FBXL2: variants seen among roughly 807,000 people sequenced by gnomAD.
The protein encoded by FBXL2 is F-box and leucine rich repeat protein 2.
FBXL2 carries 38 observed loss-of-function variants against 69.2 expected under a neutral mutation model. The ratio of observed to expected loss-of-function variants is 0.55; its 90% CI spans 0.42 to 0.72. The LOEUF (loss-of-function observed/expected upper bound fraction) is 0.72. Ranked by LOEUF, FBXL2 falls within the 30% of genes least tolerant of loss-of-function variation. FBXL2 has a pLI of 0.00. For missense variants in FBXL2, 354 were observed against 520.3 expected (o/e 0.68, Z 3.11); for synonymous variants, 192 against 201.3 (o/e 0.95, Z 0.39).
chr3:33,379,039 A>T (rs2042834844), intron 13 of FBXL2, among the ~76,000 whole-genome samples: 2 of 150,190 alleles, frequency 1.3e-5, no homozygotes, highest in African/African-American at 4.9e-5. Flanking sequence ...ACAGGGTCTC[A>T]CTCTATCGCC....
At chr3:33,410,791 G>A in the FBXL2 span, among the ~76,000 whole-genome samples, 1 of 151,996 alleles carries the variant, frequency 6.6e-6, no homozygotes, top group Non-Finnish European at 1.5e-5. Context: ...ACTCTAACAG[G>A]CTGGGCACAG....
At chr3:33,403,543 T>A (rs2044317436) in exon 13 of FBXL2, 2 of 97,434 alleles carry the variant, frequency 2.1e-5, no homozygotes, top group African/African-American at 6.6e-5. Context: ...CTATCTAATC[T>A]ATCTGTCTGT....
chr3:33,353,530 C>T (rs746900805), intron 2 of FBXL2, among the ~76,000 whole-genome samples: 7 of 152,122 alleles, frequency 4.6e-5, no homozygotes, highest in South Asian at 2.1e-4. Context: ...CCAGTCTGAA[C>T]GGTTACGTAG....
chr3:33,277,689 C>G (rs893722990), intron 1 of FBXL2, among the ~76,000 whole-genome samples, 174 bp downstream of exon 1: 1 of 151,956 alleles, frequency 6.6e-6, no homozygotes, highest in African/African-American at 2.4e-5. Flanking sequence ...GGAGGGGTAA[C>G]CTGGGGGATT....
intron 12 of FBXL2, chr3:33,401,154 A>C (rs369245642): frequency 2.6e-5 from 18 of 695,174 alleles, no homozygotes; most frequent in African/African-American, 9.4e-5. Flanking sequence ...GAAAGTCTGC[A>C]ACAAAATGCA....
intron 4 of FBXL2, 134 bp downstream of exon 4, chr3:33,359,491 G>A: frequency 1.9e-6 from 1 of 519,812 alleles, no homozygotes; most frequent in Non-Finnish European, 3.3e-6. Flanking sequence ...AGAAAAACTG[G>A]AAGGGATTTG....
rs532349647 is a variant in FBXL2 at position 33,374,855 on chromosome 3, T to C, written c.658-433T>C. Among the ~76,000 whole-genome samples, 154 of 152,314 alleles carry C rather than the reference T, an allele frequency of 1.0e-3. 1 individual carries two copies. The highest frequency in any genetic ancestry group is 1.8e-3 in the Non-Finnish European group (122 of 68,026). On this transcript the variant is annotated intron_variant, in intron 9 of 14. Transcript: ENST00000484457. ...GATGAAATATAAATATATGTGTATATTGTAAATATCTAAAGCATTAATCTG... is the reference window on the plus strand; with the variant it reads ...GATGAAATATAAATATATGTGTATACTGTAAATATCTAAAGCATTAATCTG...
intron 2 of FBXL2, among the ~76,000 whole-genome samples, chr3:33,337,221 A>G (rs1271679137): frequency 6.6e-6 from 1 of 152,150 alleles, no homozygotes; most frequent in African/African-American, 2.4e-5. Context: ...AAACAAACAA[A>G]CAAAAAAACC....
chr3:33,343,794 A>G (rs1389443702), intron 2 of FBXL2, among the ~76,000 whole-genome samples: 1 of 152,120 alleles, frequency 6.6e-6, no homozygotes, highest in Non-Finnish European at 1.5e-5. Context: ...TTATAACTTT[A>G]AAATATTTAA....
intron 2 of FBXL2, among the ~76,000 whole-genome samples, chr3:33,326,014 T>C (rs531379575): frequency 1.3e-5 from 2 of 152,346 alleles, no homozygotes; most frequent in African/African-American, 4.8e-5. Context: ...CATTTTTCTC[T>C]CTTTAAATAT....
At chr3:33,306,528 T>C (rs1006573504) in intron 2 of FBXL2, among the ~76,000 whole-genome samples, 1 of 152,116 alleles carries the variant, frequency 6.6e-6, no homozygotes, top group Non-Finnish European at 1.5e-5. Context: ...CTAAAAAAAA[T>C]TGTAAATCTT....
chr3:33,394,051 TTG>T (rs2043870550), intron 12 of FBXL2, among the ~76,000 whole-genome samples: 2 of 152,026 alleles, frequency 1.3e-5, no homozygotes, highest in South Asian at 4.1e-4. Flanking sequence ...GTGTCCTTTT[TTG>T]TTGCCCAGGC....
Position 33,373,245 on chromosome 3 carries a change from T to C in FBXL2, c.360-15T>C, listed in dbSNP as rs767400261. 1.9e-6 allele frequency: 3 copies of C among 1,613,790 alleles called. No homozygotes were observed. In the Admixed American group the frequency reaches 5.0e-5, roughly 27 times the overall value. ...CGTGGTTGAAAATATCTTTAGTGCGTCTGCTCTTTTTCAGCACGTGTTATA... is the reference window on the plus strand; with the variant it reads ...CGTGGTTGAAAATATCTTTAGTGCGCCTGCTCTTTTTCAGCACGTGTTATA... On this transcript the variant is annotated splice_polypyrimidine_tract_variant and intron_variant, in intron 6 of 14. Coordinates refer to ENST00000484457, the MANE Select transcript of FBXL2 (RefSeq NM_012157.5).
chr3:33,309,780 AC>A (rs1341399401), intron 2 of FBXL2, among the ~76,000 whole-genome samples: 1 of 152,136 alleles, frequency 6.6e-6, no homozygotes, highest in Non-Finnish European at 1.5e-5. Flanking sequence ...TTGTGTATAT[AC>A]TATAAGCTTT....
intron 2 of FBXL2, among the ~76,000 whole-genome samples, chr3:33,356,071 A>C (rs2041179213): frequency 6.6e-6 from 1 of 152,288 alleles, no homozygotes; most frequent in African/African-American, 2.4e-5. Flanking sequence ...GAGATGAGAA[A>C]TGTGAATTCC....
chr3:33,306,235 T>C (rs1057126131), intron 2 of FBXL2, among the ~76,000 whole-genome samples: 2 of 151,384 alleles, frequency 1.3e-5, no homozygotes, highest in Admixed American at 1.3e-4. Flanking sequence ...CTTTTGCTTC[T>C]TTGACCCATA....
chr3:33,311,728 A>C (rs1397274731), intron 2 of FBXL2, among the ~76,000 whole-genome samples: 6 of 151,848 alleles, frequency 4.0e-5, no homozygotes, highest in African/African-American at 1.5e-4. Flanking sequence ...AGGTTCAAGC[A>C]ATTCTCTGGC....
Position 33,297,677 on chromosome 3 carries a change from A to G in FBXL2, c.17A>G (p.Asn6Ser), listed in dbSNP as rs893640200. The stretch of plus-strand genomic sequence containing the variant: ...TTTTCTTTCCAGGTTTTCTCAAACA[A>G]TGATGAAGGCCTTATTAACAAAAAG... The part of the protein sequence containing the change: MVFSN[N>S]DEGLINKKLP... The change falls in exon 2 of 15, where the codon AAT becomes AGT. Residue 6 changes from asparagine (N) to serine (S), a missense_variant. By Grantham distance (46) the Asn-to-Ser change is conservative. Coordinates refer to ENST00000484457, the MANE Select transcript of FBXL2 (RefSeq NM_012157.5). The G allele has an allele frequency of 1.9e-6, 3 of 1,572,778 alleles. No individual in the cohort carries two copies. Among genetic ancestry groups the G allele is most frequent in the Non-Finnish European group, 2.6e-6 (3 of 1,156,542 alleles).
intron 1 of FBXL2, among the ~76,000 whole-genome samples, chr3:33,296,445 T>C (rs1053532769): frequency 2.0e-5 from 3 of 152,214 alleles, no homozygotes; most frequent in Admixed American, 6.5e-5. Context: ...TAAGAAACCA[T>C]TGCATAATCC....
Sources: allele counts gnomAD v4.1 joint callset (sites outside exome capture counted in the v4.1 genomes callset), GRCh38; gene constraint gnomAD v4.1.1; transcripts MANE v1.5; gene names NCBI Gene and HGNC (gene_info 2026-07-23, HGNC 2026-07-21).